GRID1: variants seen among roughly 807,000 people sequenced by gnomAD.
GRID1 encodes the protein glutamate ionotropic receptor delta type subunit 1, also known as glutamate receptor ionotropic, delta-1.
Under a neutral mutation model 98.0 loss-of-function variants are expected in GRID1, and 28 were observed. That is an observed-to-expected ratio of 0.29 (90% CI 0.21 to 0.39). The LOEUF (loss-of-function observed/expected upper bound fraction) is 0.39, where lower values mean the gene tolerates loss of function less well. Ranked by LOEUF, GRID1 falls within the 10% of genes least tolerant of loss-of-function variation. GRID1 has a pLI of 1.00. For missense variants in GRID1, 1,111 were observed against 1,340.5 expected, an observed-to-expected ratio of 0.83 and a Z score of 2.67; for synonymous variants, 553 against 538.5, an observed-to-expected ratio of 1.03 and a Z score of -0.37.
At chr10:86,235,830 C>T (rs957514923) in intron 2 of GRID1, among the ~76,000 whole-genome samples, 4 of 152,212 alleles carry the variant, frequency 2.6e-5, no homozygotes, top group African/African-American at 9.6e-5. Context: ...TTGAGGCCAT[C>T]ATACATAATG....
intron 5 of GRID1, among the ~76,000 whole-genome samples, chr10:85,887,535 A>C (rs1463705578): frequency 6.6e-6 from 1 of 152,134 alleles, no homozygotes; most frequent in Non-Finnish European, 1.5e-5. Flanking sequence ...CCCTAAACCT[A>C]TCTCATCAGA....
intron 8 of GRID1, among the ~76,000 whole-genome samples, chr10:85,820,023 A>AAGGC (rs1564600197): frequency 3.4e-4 from 31 of 90,158 alleles, no homozygotes; most frequent in East Asian, 7.1e-4. Flanking sequence ...GGAAGGAAGG[A>AAGGC]AGGAAGGCAG....
intron 5 of GRID1, among the ~76,000 whole-genome samples, chr10:85,883,510 G>GTCTCTCTCTCTCTCTCTCTC (rs72270077): frequency 7.3e-6 from 1 of 136,840 alleles, no homozygotes; most frequent in Non-Finnish European, 1.6e-5. Context: ...CTCTCTCTCT[G>GTCTCTCTCTCTCTCTCTCTC]TCTCTCTCTC....
intron 2 of GRID1, among the ~76,000 whole-genome samples, chr10:86,218,939 T>C (rs1026877763): frequency 1.3e-5 from 2 of 152,142 alleles, no homozygotes; most frequent in Non-Finnish European, 2.9e-5. Flanking sequence ...ATGTACATCA[T>C]CCTGGCCTGG....
intron 8 of GRID1, among the ~76,000 whole-genome samples, chr10:85,806,887 T>A (rs761980908): frequency 2.5e-4 from 38 of 152,204 alleles, no homozygotes; most frequent in Admixed American, 4.6e-4. Flanking sequence ...TTATCATTAC[T>A]AATCTAATCA....
At chr10:85,732,225 T>G (rs1417180744) in intron 8 of GRID1, among the ~76,000 whole-genome samples, 1 of 152,178 alleles carries the variant, frequency 6.6e-6, no homozygotes, top group Non-Finnish European at 1.5e-5. Flanking sequence ...CTACTTCTCC[T>G]GGGTGTAGGT....
intron 2 of GRID1, among the ~76,000 whole-genome samples, chr10:86,239,104 G>C (rs1214568023): frequency 6.6e-6 from 1 of 152,256 alleles, no homozygotes; most frequent in Non-Finnish European, 1.5e-5. Flanking sequence ...GAGCCCTGCA[G>C]AGCCATAGGG....
intron 5 of GRID1, among the ~76,000 whole-genome samples, chr10:85,915,952 AC>A (rs997690900): frequency 9.2e-5 from 14 of 151,906 alleles, no homozygotes; most frequent in African/African-American, 3.1e-4. Flanking sequence ...CTGCCCTCTG[AC>A]TTTTGACTTC....
intron 8 of GRID1, among the ~76,000 whole-genome samples, chr10:85,828,921 A>T (rs927041914): frequency 2.6e-5 from 4 of 152,154 alleles, no homozygotes; most frequent in Non-Finnish European, 4.4e-5. Flanking sequence ...CTATTCCAAA[A>T]AATTGAGGAG....
chr10:86,040,603 G>A (rs1437572592), intron 4 of GRID1, among the ~76,000 whole-genome samples: 3 of 151,914 alleles, frequency 2.0e-5, no homozygotes. Flanking sequence ...GGGGGAAATG[G>A]GGAGAGGTTG....
chr10:86,179,793 C>A (rs1479860936), intron 3 of GRID1, among the ~76,000 whole-genome samples: 1 of 152,208 alleles, frequency 6.6e-6, no homozygotes, highest in East Asian at 1.9e-4. Flanking sequence ...GGAGGTCTAA[C>A]AATGAAACAC....
At chr10:86,286,987 T>C (rs1435315901) in intron 2 of GRID1, among the ~76,000 whole-genome samples, 1 of 152,182 alleles carries the variant, frequency 6.6e-6, no homozygotes, top group Non-Finnish European at 1.5e-5. Context: ...CTATGAGCCA[T>C]GCTCTTATAG....
At chr10:86,221,505 CTGTGGGAGTGGTGGAGGT>C (rs1286905740) in intron 2 of GRID1, among the ~76,000 whole-genome samples, 35 of 152,308 alleles carry the variant, frequency 2.3e-4, no homozygotes, top group Non-Finnish European at 4.6e-4. Context: ...GGGCTGTGGG[CTGTGGGAGTGGTGGAGGT>C]CCAGCAGGTG....
intron 4 of GRID1, among the ~76,000 whole-genome samples, chr10:85,993,426 T>C (rs1354307195): frequency 6.6e-6 from 1 of 152,194 alleles, no homozygotes; most frequent in Non-Finnish European, 1.5e-5. Context: ...GTGTAAATAT[T>C]AGCAAATATT....
intron 4 of GRID1, among the ~76,000 whole-genome samples, chr10:86,106,132 C>G (rs1222925425): frequency 6.6e-6 from 1 of 152,174 alleles, no homozygotes; most frequent in Admixed American, 6.5e-5. Context: ...TGCTCCTGCT[C>G]TAGGAAATTT....
At chr10:86,280,970 T>C (rs1443210996) in intron 2 of GRID1, among the ~76,000 whole-genome samples, 2 of 152,212 alleles carry the variant, frequency 1.3e-5, no homozygotes, top group Non-Finnish European at 2.9e-5. Flanking sequence ...CGCTCCCTGA[T>C]TCTACCAACC....
intron 4 of GRID1, among the ~76,000 whole-genome samples, chr10:86,056,050 G>T (rs1051032977): frequency 1.3e-5 from 2 of 152,234 alleles, no homozygotes; most frequent in Non-Finnish European, 1.5e-5. Flanking sequence ...GACAAAGTTA[G>T]ATTCCAAAGC....
intron 4 of GRID1, among the ~76,000 whole-genome samples, chr10:85,950,562 GA>G (rs1842107384): frequency 6.6e-6 from 1 of 152,194 alleles, no homozygotes. Context: ...TCTTGTCAAG[GA>G]GCAGAGGGGG....
At chr10:85,725,217 A>T (rs543104694) in intron 10 of GRID1, among the ~76,000 whole-genome samples, 8 of 152,356 alleles carry the variant, frequency 5.3e-5, no homozygotes, top group African/African-American at 1.9e-4. Flanking sequence ...CCTCATTAAC[A>T]TATTAGCCAG....
Sources: gnomAD v4.1 joint callset for allele counts (sites outside exome capture counted in the v4.1 genomes callset) on GRCh38, gnomAD v4.1.1 for gene constraint, MANE v1.5 for transcripts, NCBI Gene and HGNC (gene_info 2026-07-23, HGNC 2026-07-21) for gene names.